Variants in COL22A1 observed in about 807,000 individuals in gnomAD.
The protein encoded by COL22A1 is collagen type XXII alpha 1 chain.
A neutral mutation model predicts 248.9 loss-of-function variants in COL22A1; 221 were observed. The ratio of observed to expected loss-of-function variants is 0.89; its 90% CI spans 0.80 to 0.99. COL22A1 has a LOEUF of 0.99. COL22A1 is among the 50% of genes least tolerant of loss of function. COL22A1 has a pLI of 0.00. For synonymous variants in COL22A1, 891 were observed against 793.4 expected (o/e 1.12, Z -2.07); for missense variants, 2,240 against 2,179.0 (o/e 1.03, Z -0.56).
intron 40 of COL22A1, among the ~76,000 whole-genome samples, chr8:138,679,038 C>G (rs949484415): frequency 1.1e-4 from 17 of 152,160 alleles, no homozygotes; most frequent in Non-Finnish European, 2.1e-4. Context: ...GCCTCAGCCT[C>G]CCTCCATAGC....
At chr8:138,590,818 C>T (rs1564069226) in intron 64 of COL22A1, among the ~76,000 whole-genome samples, 1 of 152,178 alleles carries the variant, frequency 6.6e-6, no homozygotes, top group Non-Finnish European at 1.5e-5. Context: ...GGTAGCATGA[C>T]CAACTTGCCC....
chr8:138,710,905 A>T (rs1828909244), intron 30 of COL22A1, among the ~76,000 whole-genome samples: 1 of 152,278 alleles, frequency 6.6e-6, no homozygotes, highest in East Asian at 1.9e-4. Flanking sequence ...AAAATGTCCC[A>T]ATGATCAAAG....
chr8:138,750,182 G>A (rs1353950961), intron 22 of COL22A1, among the ~76,000 whole-genome samples: 1 of 152,146 alleles, frequency 6.6e-6, no homozygotes, highest in Non-Finnish European at 1.5e-5. Flanking sequence ...GGAACTGTAA[G>A]TCCATTAAAC....
intron 16 of COL22A1, among the ~76,000 whole-genome samples, chr8:138,767,827 G>A (rs1469674841): frequency 1.3e-5 from 2 of 152,210 alleles, no homozygotes; most frequent in African/African-American, 4.8e-5. Context: ...GAAAACCGCC[G>A]GCTGCCCGTG....
At chr8:138,706,860 G>T (rs919924146) in intron 30 of COL22A1, among the ~76,000 whole-genome samples, 3 of 152,118 alleles carry the variant, frequency 2.0e-5, no homozygotes, top group African/African-American at 7.2e-5. Flanking sequence ...CTGGTTTTTT[G>T]AACAGATCAA....
rs758441386 is a variant in COL22A1 at position 138,694,803 on chromosome 8, G to T, written c.2646+23C>A. ...GTCTCCAGGTAACCAGCCCTGCGGG[G>T]GAAGGGGACACAAGAGACTCACCGG... On this transcript the variant is annotated intron_variant, in intron 33 of 64. Transcript: ENST00000303045. The T allele has an allele frequency of 3.1e-6, 5 of 1,613,030 alleles. No individual in the cohort carries two copies. The Admixed American group carries it at 8.3e-5, about 27-fold the overall frequency.
rs141620549 is a variant in COL22A1 at position 138,661,091 on chromosome 8, T to TACACAC, written c.3241-617_3241-612dup. On this transcript the variant is annotated intron_variant, in intron 43 of 64. Coordinates refer to ENST00000303045, the MANE Select transcript of COL22A1 (RefSeq NM_152888.3). ...ACATACACATACATACACACAAACA[T>TACACAC]ACACACACACACACACAGACACACA... Among the ~76,000 whole-genome samples the TACACAC allele has an allele frequency of 6.8e-3, 463 of 68,354 alleles. 4 individuals carry two copies. The highest frequency in any genetic ancestry group is 0.014 in the African/African-American group (419 of 29,166). The allele number at this position is 68,354 out of a possible 152,430, so 44.8% of individuals were successfully genotyped here.
chr8:138,621,699 C>A (rs1257311272), intron 52 of COL22A1, among the ~76,000 whole-genome samples: 5 of 152,160 alleles, frequency 3.3e-5, no homozygotes, highest in Non-Finnish European at 2.9e-5. Flanking sequence ...CCTTAGTTTC[C>A]TCATCTGGGA....
chr8:138,730,370 G>T (rs927756271), intron 23 of COL22A1, among the ~76,000 whole-genome samples: 2 of 152,150 alleles, frequency 1.3e-5, no homozygotes, highest in African/African-American at 4.8e-5. Flanking sequence ...CAGTATGGCG[G>T]TGGGCAGGGC....
chr8:138,881,554 A>G (rs935956407), intron 2 of COL22A1, among the ~76,000 whole-genome samples: 30 of 152,214 alleles, frequency 2.0e-4, no homozygotes, highest in South Asian at 6.2e-4. Context: ...GCATGGTGGC[A>G]GGCGCCTGTA....
intron 32 of COL22A1, among the ~76,000 whole-genome samples, chr8:138,699,484 C>G (rs1020756136): frequency 2.0e-5 from 3 of 152,318 alleles, no homozygotes; most frequent in Middle Eastern, 3.4e-3. Flanking sequence ...CTGGCTTCAG[C>G]CTACAGCATA....
chr8:138,890,994 G>A (rs1825024098), intron 1 of COL22A1, among the ~76,000 whole-genome samples: 1 of 151,984 alleles, frequency 6.6e-6, no homozygotes, highest in African/African-American at 2.4e-5. Flanking sequence ...CCATATTCCA[G>A]CCTGGCGACA....
At chr8:138,779,186 C>A (rs1007908868) in intron 14 of COL22A1, among the ~76,000 whole-genome samples, 1 of 152,232 alleles carries the variant, frequency 6.6e-6, no homozygotes, top group Admixed American at 6.5e-5. Context: ...TTATATATTA[C>A]AATATATCCA....
chr8:138,847,577 G>A (rs1821337046), intron 3 of COL22A1, among the ~76,000 whole-genome samples: 1 of 152,156 alleles, frequency 6.6e-6, no homozygotes, highest in East Asian at 1.9e-4. Flanking sequence ...ATTCAGGGCT[G>A]TCCAAGGAAA....
At position 138,719,380 on chromosome 8, in the gene COL22A1, G is replaced by A. The variant is rs6986990; in HGVS notation, c.2355+1359C>T. Among the ~76,000 whole-genome samples the A allele has an allele frequency of 3.2e-3, 492 of 152,202 alleles. 2 individuals carry two copies. Among genetic ancestry groups the A allele is most frequent in the African/African-American group, 0.011 (443 of 41,538 alleles). ...ATATAGTGTCTGTCGGTGGCCATGG[G>A]GGGACTTATTGGTACACACTGGTAC... is the stretch of plus-strand genomic sequence containing the variant. On this transcript the variant is annotated intron_variant, in intron 27 of 64. Coordinates refer to ENST00000303045, the MANE Select transcript of COL22A1 (RefSeq NM_152888.3).
chr8:138,651,200 T>C (rs766094086), intron 45 of COL22A1, among the ~76,000 whole-genome samples: 2 of 152,198 alleles, frequency 1.3e-5, no homozygotes, highest in African/African-American at 2.4e-5. Context: ...GGGGACAGGC[T>C]CTTCCTGCTC....
At chr8:138,825,752 C>G (rs1819529622) in intron 6 of COL22A1, 1 of 152,042 alleles carries the variant, frequency 6.6e-6, no homozygotes, top group Admixed American at 6.6e-5. Context: ...ATTTTAGCCC[C>G]CAGTGAAAGT....
chr8:138,741,875 T>C (rs1831593289), intron 22 of COL22A1, among the ~76,000 whole-genome samples: 1 of 152,166 alleles, frequency 6.6e-6, no homozygotes, highest in Admixed American at 6.5e-5. Context: ...TGTGGTGGCA[T>C]TGATGATGAT....
At chr8:138,733,182 G>A (rs1229406505) in intron 23 of COL22A1, among the ~76,000 whole-genome samples, 1 of 152,166 alleles carries the variant, frequency 6.6e-6, no homozygotes, top group Non-Finnish European at 1.5e-5. Context: ...CCTGAGCACA[G>A]CACCAAGCCG....
Sources: allele counts gnomAD v4.1 joint callset (sites outside exome capture counted in the v4.1 genomes callset), GRCh38; gene constraint gnomAD v4.1.1; transcripts MANE v1.5; gene names NCBI Gene and HGNC (gene_info 2026-07-23, HGNC 2026-07-21).